Variants in ZRANB3 observed in about 807,000 individuals in gnomAD.
ZRANB3 encodes DNA annealing helicase and endonuclease ZRANB3.
Under a neutral mutation model 133.8 loss-of-function variants are expected in ZRANB3, and 125 were observed. The ratio of observed to expected loss-of-function variants is 0.93; its 90% CI spans 0.81 to 1.08. ZRANB3 has a LOEUF of 1.08. ZRANB3 is among the 50% of genes least tolerant of loss of function. The pLI is 0.00. For missense variants in ZRANB3, 1,229 were observed against 1,275.5 expected (o/e 0.96, Z 0.56); for synonymous variants, 387 against 432.7 (o/e 0.89, Z 1.31).
In ZRANB3 at chr2:135,464,449, G is replaced by A. The variant is rs533952285; in HGVS notation, c.161+39880C>T. Among the ~76,000 whole-genome samples, 6 of 152,256 alleles carry A rather than the reference G, an allele frequency of 3.9e-5. No individual in the cohort carries two copies. The East Asian group carries it at 1.2e-3, about 29-fold the overall frequency. On this transcript the variant is annotated intron_variant, in intron 2 of 20. Transcript: ENST00000264159. The stretch of plus-strand genomic sequence containing the variant: ...TCTGGTTTACAGAAGGATCTGCTTT[G>A]GCCTCAGAGTGCTTGGGAAATTCAC...
chr2:135,227,480 T>C (rs1198040995), intron 14 of ZRANB3, among the ~76,000 whole-genome samples: 2 of 152,262 alleles, frequency 1.3e-5, no homozygotes, highest in African/African-American at 2.4e-5. Context: ...TCAGTCTTAC[T>C]GTTTTGTCCC....
At chr2:135,367,555 A>G (rs1040225159) in intron 3 of ZRANB3, among the ~76,000 whole-genome samples, 1 of 152,198 alleles carries the variant, frequency 6.6e-6, no homozygotes, top group African/African-American at 2.4e-5. Context: ...AAAAATCACA[A>G]ATCTGGAAAA....
chr2:135,236,023 A>G (rs375759752), intron 12 of ZRANB3, among the ~76,000 whole-genome samples: 12 of 152,230 alleles, frequency 7.9e-5, no homozygotes, highest in African/African-American at 1.4e-4. Context: ...TGACATGATT[A>G]TATATCTAGA....
At chr2:135,269,222 A>C in intron 10 of ZRANB3, 81 bp from the exon 11 acceptor site, 4 of 1,157,506 alleles carry the variant, frequency 3.5e-6, no homozygotes, top group Non-Finnish European at 4.6e-6. Context: ...TGTTAAATGG[A>C]GAACACTGAA....
chr2:135,521,314 C>T (rs186274363), intron 1 of ZRANB3, among the ~76,000 whole-genome samples: 3 of 152,008 alleles, frequency 2.0e-5, no homozygotes, highest in Non-Finnish European at 4.4e-5. Flanking sequence ...TTTGGGAGGC[C>T]GAGGCAGGCA....
intron 6 of ZRANB3, among the ~76,000 whole-genome samples, chr2:135,322,631 T>C (rs1032636625): frequency 7.9e-5 from 12 of 152,070 alleles, no homozygotes; most frequent in Admixed American, 7.2e-4. Context: ...GAGAGGAGGA[T>C]TGCTTGAGCC....
intron 2 of ZRANB3, among the ~76,000 whole-genome samples, chr2:135,405,973 A>G (rs559465590): frequency 6.6e-6 from 1 of 152,356 alleles, no homozygotes; most frequent in South Asian, 2.1e-4. Flanking sequence ...CTAAGATCAG[A>G]GTAGAACTGA....
chr2:135,381,537 T>C (rs768658646), intron 3 of ZRANB3, among the ~76,000 whole-genome samples: 12 of 152,176 alleles, frequency 7.9e-5, no homozygotes, highest in Non-Finnish European at 1.5e-4. Flanking sequence ...TGAGAACGGA[T>C]AGACTGCCTC....
chr2:135,440,551 T>A (rs1230160884), intron 2 of ZRANB3, among the ~76,000 whole-genome samples: 1 of 152,174 alleles, frequency 6.6e-6, no homozygotes, highest in Non-Finnish European at 1.5e-5. Context: ...GAAATGTGGA[T>A]GGTCCTTGGA....
intron 17 of ZRANB3, 57 bp downstream of exon 17, chr2:135,217,408 G>A (rs1694355811): frequency 6.7e-7 from 1 of 1,481,788 alleles, no homozygotes; most frequent in Non-Finnish European, 9.0e-7. Context: ...AGACCCCCCT[G>A]TAGAAAGAAC....
At chr2:135,456,859 C>G (rs1423477701) in intron 2 of ZRANB3, among the ~76,000 whole-genome samples, 2 of 152,124 alleles carry the variant, frequency 1.3e-5, no homozygotes, top group African/African-American at 2.4e-5. Flanking sequence ...CAGCAGAACA[C>G]CTTTCAAATG....
chr2:135,501,092 T>C (rs1027011177), intron 2 of ZRANB3, among the ~76,000 whole-genome samples: 1 of 152,052 alleles, frequency 6.6e-6, no homozygotes, highest in African/African-American at 2.4e-5. Context: ...CCATACTGAA[T>C]AGAGTATAGT....
intron 2 of ZRANB3, among the ~76,000 whole-genome samples, chr2:135,393,157 T>C (rs998250579): frequency 5.9e-5 from 9 of 152,146 alleles, no homozygotes; most frequent in African/African-American, 2.2e-4. Context: ...CGTGAGCCAC[T>C]GCACCTGGCC....
intron 16 of ZRANB3, among the ~76,000 whole-genome samples, chr2:135,218,435 A>C (rs1694400613): frequency 6.6e-6 from 1 of 152,204 alleles, no homozygotes; most frequent in African/African-American, 2.4e-5. Context: ...GATGATTCCA[A>C]GTAAATAGCT....
intron 8 of ZRANB3, among the ~76,000 whole-genome samples, chr2:135,306,731 A>T (rs890302639): frequency 1.3e-5 from 2 of 151,852 alleles, no homozygotes; most frequent in African/African-American, 4.8e-5. Flanking sequence ...TGGGATTATA[A>T]GCAAGCACCA....
chr2:135,239,601 A>G lies in ZRANB3; in HGVS notation c.1540-8674T>C, dbSNP rs1695462031. 2.0e-5 allele frequency among the ~76,000 whole-genome samples: 3 copies of G among 152,202 alleles called. No individual in the cohort carries two copies. In the South Asian group the frequency reaches 6.2e-4, roughly 31 times the overall value. On this transcript the variant is annotated intron_variant, in intron 12 of 20. Coordinates refer to ENST00000264159, the MANE Select transcript of ZRANB3 (RefSeq NM_032143.4). Reference sequence around the variant, plus strand: ...TCTCAAATACTACAAAAAGTTATCTAATTAGTTGTGAAATATACAGAATTC... The same window carrying G: ...TCTCAAATACTACAAAAAGTTATCTGATTAGTTGTGAAATATACAGAATTC...
intron 2 of ZRANB3, among the ~76,000 whole-genome samples, chr2:135,424,097 A>G: frequency 6.6e-6 from 1 of 152,248 alleles, no homozygotes; most frequent in Admixed American, 6.5e-5. Flanking sequence ...TGATGATTTA[A>G]AAAGAAAAGA....
rs747087140 is a variant in ZRANB3 at position 135,271,797 on chromosome 2, C to A, written c.1177G>T (p.Ala393Ser). The A allele has an allele frequency of 6.2e-7, 1 of 1,613,582 alleles. No homozygotes were observed. The highest frequency in any genetic ancestry group is 8.5e-7 in the Non-Finnish European group (1 of 1,179,768). Reference protein sequence around the residue: ...QFQKDPDTRVAILSIQAAGQG... With the variant: ...QFQKDPDTRVSILSIQAAGQG... ...CCAGCAGCCTGAATGCTTAGGATAG[C>A]CACGCGAGTGTCAGGATCCTTTTGA... is the stretch of plus-strand genomic sequence containing the variant. Residue 393 changes from alanine (A) to serine (S), a missense_variant, in exon 10 of 21, where the codon GCT becomes TCT. Coordinates refer to ENST00000264159, the MANE Select transcript of ZRANB3 (RefSeq NM_032143.4).
At chr2:135,334,180 G>A (rs13007706) in intron 6 of ZRANB3, among the ~76,000 whole-genome samples, 1 of 152,110 alleles carries the variant, frequency 6.6e-6, no homozygotes, top group Non-Finnish European at 1.5e-5. Context: ...GCATGTAAGA[G>A]GCATCCTAAA....
Sources: gnomAD v4.1 joint callset for allele counts (sites outside exome capture counted in the v4.1 genomes callset) on GRCh38, gnomAD v4.1.1 for gene constraint, MANE v1.5 for transcripts, NCBI Gene and HGNC (gene_info 2026-07-23, HGNC 2026-07-21) for gene names.